ADAMTSL1: variants seen among roughly 807,000 people sequenced by gnomAD.
ADAMTSL1 encodes ADAMTS like 1.
In ADAMTSL1, 126 loss-of-function variants were observed where a neutral mutation model predicts 201.8. That is an observed-to-expected ratio of 0.62 (90% CI 0.54 to 0.72). ADAMTSL1 has a LOEUF of 0.72. ADAMTSL1 is among the 30% of genes least tolerant of loss of function. The pLI is 0.00. For synonymous variants in ADAMTSL1, 1,121 were observed against 903.4 expected (o/e 1.24, Z -4.32); for missense variants, 2,679 against 2,277.8 (o/e 1.18, Z -3.59).
chr9:18,129,576 G>A (rs928035018), intron 1 of ADAMTSL1, among the ~76,000 whole-genome samples: 1 of 151,954 alleles, frequency 6.6e-6, no homozygotes, highest in African/African-American at 2.4e-5. Context: ...TGCAATGTGG[G>A]CCCATAAGCA....
chr9:18,900,034 C>G (rs186837518), intron 26 of ADAMTSL1, among the ~76,000 whole-genome samples: 10 of 152,244 alleles, frequency 6.6e-5, no homozygotes, highest in African/African-American at 2.4e-4. Flanking sequence ...ATTTTGCAAT[C>G]TATCCATCTG....
intron 2 of ADAMTSL1, among the ~76,000 whole-genome samples, chr9:18,525,390 C>G (rs767460295): frequency 2.6e-5 from 4 of 152,052 alleles, no homozygotes; most frequent in Non-Finnish European, 5.9e-5. Context: ...TTCAAAACAC[C>G]AGCTCCTGGA....
intron 4 of ADAMTSL1, among the ~76,000 whole-genome samples, chr9:18,613,116 C>T (rs562353935): frequency 6.6e-6 from 1 of 152,114 alleles, no homozygotes; most frequent in Non-Finnish European, 1.5e-5. Flanking sequence ...AAAAAAAGCT[C>T]AACATCACTG....
At chr9:17,998,473 G>C (rs891725872) in intron 1 of ADAMTSL1, among the ~76,000 whole-genome samples, 2 of 152,024 alleles carry the variant, frequency 1.3e-5, no homozygotes, top group African/African-American at 4.8e-5. Context: ...GTGAAGAAAT[G>C]AGAACAGACT....
intron 2 of ADAMTSL1, among the ~76,000 whole-genome samples, chr9:18,300,576 G>A (rs536172228): frequency 7.7e-4 from 117 of 152,278 alleles, no homozygotes; most frequent in Non-Finnish European, 1.3e-3. Flanking sequence ...AAAACTGCAC[G>A]TTGTGCACAT....
intron 1 of ADAMTSL1, among the ~76,000 whole-genome samples, chr9:17,977,779 C>G (rs1371368625): frequency 4.6e-5 from 7 of 151,902 alleles, no homozygotes; most frequent in Non-Finnish European, 8.8e-5. Flanking sequence ...TGCTGGTGTT[C>G]TTGAAGAAAA....
chr9:18,017,279 C>T (rs1224270911), intron 1 of ADAMTSL1, among the ~76,000 whole-genome samples: 1 of 151,994 alleles, frequency 6.6e-6, no homozygotes, highest in Non-Finnish European at 1.5e-5. Context: ...CATATTCGTT[C>T]TGAATGTTAG....
chr9:18,247,278 T>C (rs1165501798), intron 2 of ADAMTSL1, among the ~76,000 whole-genome samples: 3 of 152,202 alleles, frequency 2.0e-5, no homozygotes, highest in African/African-American at 7.2e-5. Context: ...ATGACACTAA[T>C]AAAATTATCA....
intron 1 of ADAMTSL1, among the ~76,000 whole-genome samples, chr9:18,486,163 G>T (rs1484641267): frequency 6.6e-6 from 1 of 152,198 alleles, no homozygotes; most frequent in African/African-American, 2.4e-5. Context: ...GTGTGAAAGA[G>T]TTAGTAATTT....
At chr9:18,582,319 C>G (rs1254215149) in intron 4 of ADAMTSL1, among the ~76,000 whole-genome samples, 1 of 152,110 alleles carries the variant, frequency 6.6e-6, no homozygotes, top group African/African-American at 2.4e-5. Flanking sequence ...CAAGGAGAAA[C>G]CAGGCTGTAG....
chr9:18,296,600 ATGTT>A (rs1358302768), intron 2 of ADAMTSL1, among the ~76,000 whole-genome samples: 4 of 152,198 alleles, frequency 2.6e-5, no homozygotes, highest in Non-Finnish European at 4.4e-5. Flanking sequence ...ACTTTTCTAT[ATGTT>A]TGAAGTTTTC....
In ADAMTSL1 at chr9:18,558,147, T is replaced by C. The variant is rs150797530; in HGVS notation, c.238-15883T>C. Among the ~76,000 whole-genome samples, 8 of 152,270 alleles carry C rather than the reference T, an allele frequency of 5.3e-5. No homozygotes were observed. In the East Asian group the frequency reaches 9.7e-4, roughly 18 times the overall value. ...CTACATTAGTTATTTCTCCTAATGC[T>C]ATCCCTCCCCTAGTCCTGCATCTCC... On this transcript the variant is annotated intron_variant, in intron 3 of 28. Transcript: ENST00000380548.
chr9:18,202,603 A>G (rs1351256586), intron 2 of ADAMTSL1, among the ~76,000 whole-genome samples: 1 of 152,196 alleles, frequency 6.6e-6, no homozygotes, highest in African/African-American at 2.4e-5. Flanking sequence ...TCCAAGAGCC[A>G]CGTGAAGGCT....
intron 3 of ADAMTSL1, among the ~76,000 whole-genome samples, chr9:18,566,173 A>G (rs1314246459): frequency 6.6e-6 from 1 of 152,242 alleles, no homozygotes; most frequent in Non-Finnish European, 1.5e-5. Context: ...AAAAAATTAG[A>G]TATTCCATCA....
At chr9:18,545,854 G>T (rs1022924362) in intron 3 of ADAMTSL1, among the ~76,000 whole-genome samples, 16 of 152,168 alleles carry the variant, frequency 1.1e-4, no homozygotes, top group Non-Finnish European at 5.9e-5. Context: ...GCCATGCCTA[G>T]GTTGCTAACG....
At chr9:17,972,902 C>T (rs1388429222) in intron 1 of ADAMTSL1, among the ~76,000 whole-genome samples, 1 of 148,812 alleles carries the variant, frequency 6.7e-6, no homozygotes, top group African/African-American at 2.5e-5. Context: ...ATTTGCATTT[C>T]TCTGATGGCC....
At chr9:17,975,795 C>T (rs1317948912) in intron 1 of ADAMTSL1, among the ~76,000 whole-genome samples, 1 of 151,858 alleles carries the variant, frequency 6.6e-6, no homozygotes, top group Non-Finnish European at 1.5e-5. Flanking sequence ...AAATCATTGC[C>T]CGGATCAATG....
At chr9:18,056,825 C>G (rs532251617) in intron 1 of ADAMTSL1, among the ~76,000 whole-genome samples, 1 of 152,284 alleles carries the variant, frequency 6.6e-6, no homozygotes, top group East Asian at 1.9e-4. Flanking sequence ...AACTTCTCTC[C>G]CTGCAGTGCC....
chr9:18,347,691 T>G (rs999023075), intron 2 of ADAMTSL1, among the ~76,000 whole-genome samples: 4 of 152,188 alleles, frequency 2.6e-5, no homozygotes, highest in African/African-American at 7.2e-5. Flanking sequence ...TCCTAGAATA[T>G]TGAACTATTT....
Sources: allele counts gnomAD v4.1 joint callset (sites outside exome capture counted in the v4.1 genomes callset), GRCh38; gene constraint gnomAD v4.1.1; transcripts MANE v1.5; gene names NCBI Gene and HGNC (gene_info 2026-07-23, HGNC 2026-07-21).